The following CEP112 variants were observed in gnomAD, a reference collection of about 807,000 sequenced individuals.
The protein encoded by CEP112 is centrosomal protein 112, also known as centrosomal protein of 112 kDa.
Under a neutral mutation model 153.0 loss-of-function variants are expected in CEP112, and 127 were observed. That is an observed-to-expected ratio of 0.83 (90% CI 0.72 to 0.96). The LOEUF is 0.96. Among genes scored for constraint, CEP112 ranks in the 40% least tolerant of loss-of-function variants. The pLI, the probability that CEP112 is intolerant of heterozygous loss-of-function variation, is 0.00. For synonymous variants in CEP112, 358 were observed against 374.4 expected, an observed-to-expected ratio of 0.96 and a Z score of 0.51; for missense variants, 1,089 against 1,101.2, an observed-to-expected ratio of 0.99 and a Z score of 0.16.
chr17:65,925,138 TC>T (rs35279963), intron 19 of CEP112, among the ~76,000 whole-genome samples: 1 of 152,050 alleles, frequency 6.6e-6, no homozygotes, highest in Admixed American at 6.6e-5. Flanking sequence ...GGGGGCAGCT[TC>T]CCCCCGTACT....
chr17:65,794,313 A>T (rs2054777293), intron 21 of CEP112, among the ~76,000 whole-genome samples: 1 of 152,210 alleles, frequency 6.6e-6, no homozygotes, highest in Non-Finnish European at 1.5e-5. Context: ...TAGACAAATG[A>T]TCTGTTTCAT....
At chr17:66,082,935 T>C (rs1438710733) in intron 8 of CEP112, among the ~76,000 whole-genome samples, 4 of 152,058 alleles carry the variant, frequency 2.6e-5, no homozygotes, top group Non-Finnish European at 4.4e-5. Context: ...CATGTTAACA[T>C]CTAAGTATCT....
rs546284160 is a variant in CEP112 at position 65,859,163 on chromosome 17, G to C, written c.2164-7129C>G. Among the ~76,000 whole-genome samples the C allele has an allele frequency of 7.9e-5, 12 of 152,120 alleles. No homozygotes were observed. In the East Asian group the frequency reaches 2.3e-3, roughly 29 times the overall value. ...CAATGCATTAAAAGAAAAAACATTG[G>C]CCAGGTGCGGTGGCTTATGCCTGTA... On this transcript the variant is annotated intron_variant, in intron 20 of 26. Coordinates refer to ENST00000535342, the MANE Select transcript of CEP112 (RefSeq NM_001199165.4).
chr17:65,992,537 T>C (rs1236998226), intron 17 of CEP112, among the ~76,000 whole-genome samples: 8 of 152,174 alleles, frequency 5.3e-5, no homozygotes, highest in Non-Finnish European at 2.9e-5. Flanking sequence ...CTCACTTCTA[T>C]TGGTTCTTTG....
At chr17:65,830,839 C>T (rs1341568233) in intron 21 of CEP112, among the ~76,000 whole-genome samples, 1 of 152,218 alleles carries the variant, frequency 6.6e-6, no homozygotes, top group Non-Finnish European at 1.5e-5. Context: ...TTCCAATTCT[C>T]ACTATAAGTC....
intron 21 of CEP112, 146 bp from the exon 22 acceptor site, chr17:65,750,870 G>T: frequency 2.3e-5 from 13 of 557,756 alleles, no homozygotes; most frequent in South Asian, 9.6e-5. Flanking sequence ...TGTCTTTGAT[G>T]TTACGCCAAC....
At chr17:65,731,150 C>T (rs139578408) in intron 23 of CEP112, among the ~76,000 whole-genome samples, 2 of 152,224 alleles carry the variant, frequency 1.3e-5, no homozygotes, top group African/African-American at 4.8e-5. Context: ...CTTTGGCATA[C>T]AGCCTTTTGT....
At chr17:65,960,907 A>C (rs2062174293) in intron 18 of CEP112, among the ~76,000 whole-genome samples, 1 of 152,208 alleles carries the variant, frequency 6.6e-6, no homozygotes, top group South Asian at 2.1e-4. Context: ...TTTTTAGTTT[A>C]TATAAACCAC....
chr17:65,947,746 G>A (rs767337022), intron 18 of CEP112, among the ~76,000 whole-genome samples: 1 of 151,986 alleles, frequency 6.6e-6, no homozygotes, highest in Non-Finnish European at 1.5e-5. Context: ...CTATTTAAAC[G>A]TTTAAAGGTA....
At chr17:66,026,649 T>G (rs9914168) in intron 16 of CEP112, among the ~76,000 whole-genome samples, 152,154 of 152,298 alleles carry the variant, frequency 1, 76,005 homozygotes, top group Middle Eastern at 1. Context: ...AGGGCCCCTT[T>G]AGGATACCAA....
chr17:65,670,930 T>G (rs947939232), intron 24 of CEP112, among the ~76,000 whole-genome samples: 7 of 151,868 alleles, frequency 4.6e-5, no homozygotes, highest in Non-Finnish European at 8.8e-5. Flanking sequence ...CTAAGCTCAG[T>G]ACAGATAACT....
intron 21 of CEP112, among the ~76,000 whole-genome samples, chr17:65,768,631 G>T (rs1021788083): frequency 5.3e-5 from 8 of 151,270 alleles, no homozygotes; most frequent in Middle Eastern, 3.2e-3. Context: ...CCCCTGACAT[G>T]CAAGGCTGGT....
chr17:65,980,849 C>G (rs1365403257), intron 17 of CEP112, among the ~76,000 whole-genome samples: 2 of 152,170 alleles, frequency 1.3e-5, no homozygotes, highest in Non-Finnish European at 2.9e-5. Context: ...ACGATCTCCA[C>G]TCACTGCAAC....
At chr17:65,641,848 AGCTG>A (rs1386425542) in intron 24 of CEP112, among the ~76,000 whole-genome samples, 3 of 152,234 alleles carry the variant, frequency 2.0e-5, no homozygotes, top group African/African-American at 7.2e-5. Flanking sequence ...GAATCTGCAT[AGCTG>A]TGTCTCCGAC....
intron 6 of CEP112, among the ~76,000 whole-genome samples, chr17:66,120,686 T>C (rs2069534972): frequency 6.6e-6 from 1 of 152,144 alleles, no homozygotes; most frequent in Non-Finnish European, 1.5e-5. Context: ...ACTTTGAGTA[T>C]CTATAGTGTC....
chr17:65,742,350 T>A (rs1163135334), intron 23 of CEP112, among the ~76,000 whole-genome samples: 1 of 152,216 alleles, frequency 6.6e-6, no homozygotes, highest in Non-Finnish European at 1.5e-5. Flanking sequence ...TCTTTAAAAA[T>A]TTTTTGTTCT....
intron 24 of CEP112, among the ~76,000 whole-genome samples, chr17:65,674,497 A>C (rs1250587925): frequency 2.0e-5 from 3 of 152,336 alleles, no homozygotes; most frequent in African/African-American, 7.2e-5. Context: ...TTCACACACA[A>C]AAAATCCAAA....
chr17:65,770,570 A>T (rs1286097787), intron 21 of CEP112, among the ~76,000 whole-genome samples: 1 of 152,140 alleles, frequency 6.6e-6, no homozygotes, highest in Non-Finnish European at 1.5e-5. Flanking sequence ...GACATAAAAA[A>T]AGTGTGTAAA....
intron 20 of CEP112, among the ~76,000 whole-genome samples, chr17:65,877,478 A>AT (rs1165152820): frequency 1.3e-5 from 2 of 152,200 alleles, no homozygotes; most frequent in Non-Finnish European, 2.9e-5. Flanking sequence ...AGCTTGCTCA[A>AT]GGAGGCACCC....
Sources: allele counts gnomAD v4.1 joint callset (sites outside exome capture counted in the v4.1 genomes callset), GRCh38; gene constraint gnomAD v4.1.1; transcripts MANE v1.5; gene names NCBI Gene and HGNC (gene_info 2026-07-23, HGNC 2026-07-21).